The following MAP2 variants were observed in gnomAD, a reference collection of about 807,000 sequenced individuals.
The protein encoded by MAP2 is microtubule-associated protein 2.
MAP2 carries 14 observed loss-of-function variants against 137.6 expected under a neutral mutation model. The ratio of observed to expected loss-of-function variants is 0.10; its 90% CI spans 0.07 to 0.16. The LOEUF (loss-of-function observed/expected upper bound fraction) is 0.16. Among genes scored for constraint, MAP2 ranks in the 10% least tolerant of loss-of-function variants. The pLI is 1.00. For synonymous variants in MAP2, 786 were observed against 782.3 expected (o/e 1.00, Z -0.08); for missense variants, 2,088 against 2,191.5 (o/e 0.95, Z 0.94).
intron 1 of MAP2, among the ~76,000 whole-genome samples, chr2:209,451,916 T>C (rs1700410867): frequency 6.6e-6 from 1 of 152,228 alleles, no homozygotes; most frequent in Non-Finnish European, 1.5e-5. Flanking sequence ...CAGTTACCCT[T>C]GTTACTGACC....
intron 4 of MAP2, among the ~76,000 whole-genome samples, chr2:209,649,792 C>T (rs546403735): frequency 1.2e-4 from 18 of 152,182 alleles, no homozygotes; most frequent in Non-Finnish European, 2.5e-4. Context: ...ATAGTCTTAC[C>T]AGGAAGTTGG....
chr2:209,444,946 G>T (rs1350523599), intron 1 of MAP2, among the ~76,000 whole-genome samples: 1 of 151,294 alleles, frequency 6.6e-6, no homozygotes. Context: ...GTGATGATGT[G>T]TTACCATCAC....
At chr2:209,627,566 T>C (rs1274892007) in intron 4 of MAP2, among the ~76,000 whole-genome samples, 5 of 152,162 alleles carry the variant, frequency 3.3e-5, no homozygotes, top group Non-Finnish European at 7.4e-5. Context: ...TTGCAGAGCC[T>C]GCATTCAAAC....
intron 3 of MAP2, among the ~76,000 whole-genome samples, chr2:209,616,222 C>T (rs1350597651): frequency 2.0e-5 from 3 of 152,212 alleles, no homozygotes; most frequent in Admixed American, 2.0e-4. Flanking sequence ...TAGTGAGGCC[C>T]AGGTGGGGCA....
chr2:209,650,227 C>G (rs1302761310), intron 4 of MAP2, among the ~76,000 whole-genome samples: 1 of 152,090 alleles, frequency 6.6e-6, no homozygotes, highest in African/African-American at 2.4e-5. Context: ...AAGTACAAAC[C>G]TAAATATTTC....
intron 1 of MAP2, among the ~76,000 whole-genome samples, chr2:209,441,913 C>A (rs544757048): frequency 2.0e-5 from 3 of 151,498 alleles, no homozygotes; most frequent in Non-Finnish European, 4.4e-5. Flanking sequence ...CATTTCAATT[C>A]ATGTGGTTTT....
intron 2 of MAP2, among the ~76,000 whole-genome samples, chr2:209,569,465 G>A (rs1037956551): frequency 6.6e-6 from 1 of 151,736 alleles, no homozygotes; most frequent in Admixed American, 6.6e-5. Context: ...AAGTGAATGG[G>A]GAAAGACAAT....
rs899013650 is a variant in MAP2 at position 209,732,662 on chromosome 2, G to A, written c.*2265G>A. 1.3e-5 allele frequency: 2 copies of A among 152,532 alleles called. No individual in the cohort carries two copies. Among genetic ancestry groups the A allele is most frequent in the African/African-American group, 4.8e-5 (2 of 41,412 alleles). 9.4% of individuals were successfully genotyped at this position (152,532 alleles called of 1,614,324 possible). ...GCTCATTAGAAAAGTTTTAACCTGTGAAATAAGTATTTTTCTCAACATTCT... is the reference window on the plus strand; with the variant it reads ...GCTCATTAGAAAAGTTTTAACCTGTAAAATAAGTATTTTTCTCAACATTCT... On this transcript the variant is annotated 3_prime_UTR_variant, in exon 16 of 16. Coordinates refer to ENST00000682079, the MANE Select transcript of MAP2 (RefSeq NM_001375505.1).
intron 1 of MAP2, among the ~76,000 whole-genome samples, chr2:209,459,548 A>G (rs774025951): frequency 6.6e-6 from 1 of 152,194 alleles, no homozygotes; most frequent in Non-Finnish European, 1.5e-5. Context: ...TCTGCCCTCC[A>G]GGCAGATTCG....
chr2:209,494,402 G>T (rs2059491957), intron 1 of MAP2, among the ~76,000 whole-genome samples: 1 of 150,800 alleles, frequency 6.6e-6, no homozygotes, highest in East Asian at 1.9e-4. Flanking sequence ...TGCATGTTCT[G>T]CCCAGGTATC....
chr2:209,656,802 G>A (rs1377434622), intron 5 of MAP2, among the ~76,000 whole-genome samples: 3 of 152,048 alleles, frequency 2.0e-5, no homozygotes, highest in Non-Finnish European at 4.4e-5. Flanking sequence ...GGATTCAGGG[G>A]ATACAAGTGC....
rs2067917735 is a variant in MAP2 at position 209,716,962 on chromosome 2, A to G, written c.5073+6708A>G. ...CCACAAGGGCCAGCTGAAATTGAGT[A>G]AAAGAGCAGGTTTCTGAAATAGAAG... is the stretch of plus-strand genomic sequence containing the variant. On this transcript the variant is annotated intron_variant, in intron 13 of 15. Coordinates refer to ENST00000682079, the MANE Select transcript of MAP2 (RefSeq NM_001375505.1). 2.0e-5 allele frequency among the ~76,000 whole-genome samples: 3 copies of G among 152,046 alleles called. No homozygotes were observed. In the South Asian group the frequency reaches 6.2e-4, roughly 31 times the overall value.
At chr2:209,718,433 T>G (rs1003282317) in intron 13 of MAP2, among the ~76,000 whole-genome samples, 1 of 152,162 alleles carries the variant, frequency 6.6e-6, no homozygotes, top group African/African-American at 2.4e-5. Context: ...TTTGAAAAAG[T>G]TCATTAGCTG....
intron 2 of MAP2, among the ~76,000 whole-genome samples, chr2:209,528,761 T>C (rs1266638342): frequency 6.6e-6 from 1 of 151,398 alleles, no homozygotes; most frequent in Non-Finnish European, 1.5e-5. Flanking sequence ...CATATGTATG[T>C]ATATATGTAT....
At chr2:209,535,545 T>C (rs2065824887) in intron 2 of MAP2, among the ~76,000 whole-genome samples, 1 of 149,494 alleles carries the variant, frequency 6.7e-6, no homozygotes, top group Non-Finnish European at 1.5e-5. Context: ...TCCCTTGCAG[T>C]CTGGCAAAGT....
chr2:209,475,966 T>A (rs773334543), intron 1 of MAP2, among the ~76,000 whole-genome samples: 8 of 152,104 alleles, frequency 5.3e-5, no homozygotes, highest in Non-Finnish European at 1.2e-4. Context: ...GCTTTCCATT[T>A]CTCTCTTTCA....
chr2:209,434,887 ATATATATGTTATATATATATGT>A (rs1695436805), intron 1 of MAP2, among the ~76,000 whole-genome samples: 1 of 116,752 alleles, frequency 8.6e-6, no homozygotes, highest in African/African-American at 4.0e-5. Flanking sequence ...TATATATGTT[ATATATATGTTATATATATATGT>A]TATATATATG....
chr2:209,714,785 A>G (rs2153785059), intron 13 of MAP2, among the ~76,000 whole-genome samples: 1 of 152,322 alleles, frequency 6.6e-6, no homozygotes. Context: ...TGCATCTTGC[A>G]TATAGGACAT....
intron 2 of MAP2, among the ~76,000 whole-genome samples, chr2:209,577,486 A>G (rs1314939252): frequency 6.6e-6 from 1 of 152,210 alleles, no homozygotes; most frequent in African/African-American, 2.4e-5. Flanking sequence ...TGGAAAGAAA[A>G]TAAAAACAGT....
Sources: gnomAD v4.1 joint callset for allele counts (sites outside exome capture counted in the v4.1 genomes callset) on GRCh38, gnomAD v4.1.1 for gene constraint, MANE v1.5 for transcripts, NCBI Gene and HGNC (gene_info 2026-07-23, HGNC 2026-07-21) for gene names.